Variants in UBE2D1 observed in about 807,000 individuals in gnomAD.
The protein encoded by UBE2D1 is ubiquitin conjugating enzyme E2 D1.
Under a neutral mutation model 24.6 loss-of-function variants are expected in UBE2D1, and 9 were observed. That is an observed-to-expected ratio of 0.37 (90% CI 0.22 to 0.64). The LOEUF (loss-of-function observed/expected upper bound fraction) is 0.64, where lower values mean the gene tolerates loss of function less well. Ranked by LOEUF, UBE2D1 falls within the 30% of genes least tolerant of loss-of-function variation. The pLI, the probability that UBE2D1 is intolerant of heterozygous loss-of-function variation, is 0.64. For synonymous variants in UBE2D1, 57 were observed against 57.6 expected (o/e 0.99, Z 0.04); for missense variants, 87 against 177.1 (o/e 0.49, Z 2.89).
chr10:58,335,089 C>G lies in UBE2D1; in HGVS notation c.-113C>G, dbSNP rs1051155065. 1.7e-6 allele frequency: 2 copies of G among 1,183,402 alleles called. No homozygotes were observed. The highest frequency in any genetic ancestry group is 2.1e-5 in the Admixed American group (1 of 48,610). The allele number at this position is 1,183,402 out of a possible 1,614,324, so 73.3% of individuals were successfully genotyped here. On this transcript the variant is annotated 5_prime_UTR_variant, in exon 1 of 7. Coordinates refer to ENST00000373910, the MANE Select transcript of UBE2D1 (RefSeq NM_003338.5). ...GAGCCAGGGAGCGGCTAACCGGGGACCCACCGCGCGGAGCCAGCCTAGCTG... is the reference window on the plus strand; with the variant it reads ...GAGCCAGGGAGCGGCTAACCGGGGAGCCACCGCGCGGAGCCAGCCTAGCTG...
chr10:58,368,622 TTAAGTA>T (rs1840282600), intron 6 of UBE2D1, 92 bp from the exon 7 acceptor site: 2 of 696,420 alleles, frequency 2.9e-6, no homozygotes, highest in Non-Finnish European at 4.3e-6. Flanking sequence ...ATTATTGCAA[TTAAGTA>T]TAAGAAGGTA....
chr10:58,342,821 T>G (rs936486529), intron 1 of UBE2D1, among the ~76,000 whole-genome samples: 2 of 150,326 alleles, frequency 1.3e-5, no homozygotes, highest in Admixed American at 1.3e-4. Flanking sequence ...TTGTTTTTTT[T>G]GGTTTTTTTT....
intron 1 of UBE2D1, among the ~76,000 whole-genome samples, chr10:58,349,669 A>G (rs1281996644): frequency 6.6e-6 from 1 of 152,168 alleles, no homozygotes; most frequent in Non-Finnish European, 1.5e-5. Flanking sequence ...GTTACAATGT[A>G]AACTTTTTGT....
chr10:58,367,333 A>G (rs962671626), intron 5 of UBE2D1, among the ~76,000 whole-genome samples: 1 of 151,882 alleles, frequency 6.6e-6, no homozygotes, highest in African/African-American at 2.4e-5. Flanking sequence ...TAGTGTAGCT[A>G]TTTGCATTAG....
intron 3 of UBE2D1, among the ~76,000 whole-genome samples, chr10:58,363,137 C>T (rs995672024): frequency 1.3e-5 from 2 of 152,038 alleles, no homozygotes; most frequent in East Asian, 1.9e-4. Context: ...TTTCTTTTCA[C>T]GACAGCCTCT....
intron 1 of UBE2D1, among the ~76,000 whole-genome samples, chr10:58,349,254 T>G (rs1316741759): frequency 6.6e-6 from 1 of 152,200 alleles, no homozygotes; most frequent in Non-Finnish European, 1.5e-5. Flanking sequence ...TAGCTAGTTT[T>G]TTTATTTGAA....
chr10:58,358,353 C>G (rs1387570001), intron 1 of UBE2D1, among the ~76,000 whole-genome samples: 4 of 152,168 alleles, frequency 2.6e-5, no homozygotes, highest in Non-Finnish European at 4.4e-5. Context: ...TGAATAATTA[C>G]AGAGGCAATC....
chr10:58,336,561 A>G (rs921602809), intron 1 of UBE2D1, among the ~76,000 whole-genome samples: 1 of 152,214 alleles, frequency 6.6e-6, no homozygotes, highest in Non-Finnish European at 1.5e-5. Flanking sequence ...ATTGTAAAAC[A>G]TACAGTTAAC....
intron 1 of UBE2D1, among the ~76,000 whole-genome samples, chr10:58,348,405 A>G (rs1208641872): frequency 6.6e-6 from 1 of 152,252 alleles, no homozygotes; most frequent in African/African-American, 2.4e-5. Flanking sequence ...TTTAGAGGCA[A>G]CATGAAAAAT....
rs1352647135 is a variant in UBE2D1 at position 58,335,086 on chromosome 10, G to C, written c.-116G>C. 1.7e-6 allele frequency: 2 copies of C among 1,151,376 alleles called. No homozygotes were observed. Among genetic ancestry groups the C allele is most frequent in the African/African-American group, 1.6e-5 (1 of 62,468 alleles). The allele number at this position is 1,151,376 out of a possible 1,614,324, so 71.3% of individuals were successfully genotyped here. A position where few individuals can be genotyped will look rare whatever the true frequency, so the allele number is the denominator to read the frequency against. On this transcript the variant is annotated 5_prime_UTR_variant, in exon 1 of 7. Coordinates refer to ENST00000373910, the MANE Select transcript of UBE2D1 (RefSeq NM_003338.5). ...AGCGAGCCAGGGAGCGGCTAACCGG[G>C]GACCCACCGCGCGGAGCCAGCCTAG...
At chr10:58,364,695 G>C in intron 4 of UBE2D1, 76 bp from the exon 5 acceptor site, 1 of 1,059,058 alleles carries the variant, frequency 9.4e-7, no homozygotes, top group Non-Finnish European at 1.4e-6. Flanking sequence ...TTTTACCCTA[G>C]AGCAAATTGG....
intron 1 of UBE2D1, among the ~76,000 whole-genome samples, chr10:58,341,882 C>T (rs1839964945): frequency 6.6e-6 from 1 of 152,132 alleles, no homozygotes; most frequent in Non-Finnish European, 1.5e-5. Flanking sequence ...AATTGAGATA[C>T]TTATCCTCTC....
chr10:58,364,303 T>C (rs1003477399), intron 4 of UBE2D1, among the ~76,000 whole-genome samples: 2 of 152,170 alleles, frequency 1.3e-5, no homozygotes, highest in Admixed American at 6.5e-5. Flanking sequence ...TGACAACTCT[T>C]GTGGAAAATT....
At chr10:58,354,140 A>G (rs749443073) in intron 1 of UBE2D1, among the ~76,000 whole-genome samples, 2 of 152,196 alleles carry the variant, frequency 1.3e-5, no homozygotes, top group Non-Finnish European at 2.9e-5. Context: ...TGAAATTTTA[A>G]TTCTCAGTAC....
chr10:58,350,476 A>C (rs1264199692), intron 1 of UBE2D1, among the ~76,000 whole-genome samples: 1 of 152,174 alleles, frequency 6.6e-6, no homozygotes, highest in Admixed American at 6.5e-5. Flanking sequence ...GATCTGTAGG[A>C]ATATCTTTTA....
intron 1 of UBE2D1, among the ~76,000 whole-genome samples, chr10:58,348,672 A>C (rs1840041328): frequency 6.6e-6 from 1 of 152,200 alleles, no homozygotes; most frequent in African/African-American, 2.4e-5. Context: ...AGAAAACAAC[A>C]AAGCATTTTT....
At chr10:58,338,297 A>G (rs946688116) in intron 1 of UBE2D1, among the ~76,000 whole-genome samples, 2 of 152,242 alleles carry the variant, frequency 1.3e-5, no homozygotes, top group Admixed American at 6.5e-5. Flanking sequence ...ATATTTTTAT[A>G]GTAGAATAAA....
In UBE2D1 at chr10:58,361,516, T is replaced by C; in HGVS notation, c.110T>C (p.Ile37Thr). The change falls in exon 3 of 7, where the codon ATT becomes ACT. Residue 37 changes from isoleucine (I) to threonine (T), a missense_variant. By Grantham distance (89) the Ile-to-Thr change is moderately conservative. Transcript: ENST00000373910. ...GDDLFHWQAT[I>T]MGPPDSAYQG... ...TCAGTGTTCCACTGGCAAGCCACTA[T>C]TATGGGGCCTGTAAGTATGATTCAT... is the stretch of plus-strand genomic sequence containing the variant. The C allele has an allele frequency of 6.2e-7, 1 of 1,614,164 alleles. No individual in the cohort carries two copies. Among genetic ancestry groups the C allele is most frequent in the Non-Finnish European group, 8.5e-7 (1 of 1,180,018 alleles).
intron 1 of UBE2D1, among the ~76,000 whole-genome samples, chr10:58,337,678 A>G (rs966710060): frequency 1.3e-5 from 2 of 152,046 alleles, no homozygotes; most frequent in African/African-American, 4.8e-5. Flanking sequence ...GTGTCTTAGA[A>G]TCACCTGTGG....
Sources: gnomAD v4.1 joint callset for allele counts (sites outside exome capture counted in the v4.1 genomes callset) on GRCh38, gnomAD v4.1.1 for gene constraint, MANE v1.5 for transcripts, NCBI Gene and HGNC (gene_info 2026-07-23, HGNC 2026-07-21) for gene names.